The following EFCAB6 variants were observed in gnomAD, a reference collection of about 807,000 sequenced individuals.
EFCAB6 encodes the protein EF-hand calcium-binding domain-containing protein 6.
Under a neutral mutation model 169.8 loss-of-function variants are expected in EFCAB6, and 156 were observed. The observed-to-expected ratio is 0.92, with a 90% CI of 0.81 to 1.05. The LOEUF is 1.05. Among genes scored for constraint, EFCAB6 ranks in the 50% least tolerant of loss-of-function variants. The pLI is 0.00. For missense variants in EFCAB6, 1,800 were observed against 1,829.1 expected (o/e 0.98, Z 0.29); for synonymous variants, 698 against 676.4 (o/e 1.03, Z -0.50).
chr22:43,769,874 G>A (rs1047621994), intron 4 of EFCAB6, among the ~76,000 whole-genome samples: 10 of 143,182 alleles, frequency 7.0e-5, no homozygotes, highest in African/African-American at 2.3e-4. Context: ...TTTTTTTTTA[G>A]ATGGAGTTTT....
chr22:43,530,944 C>T lies in EFCAB6; in HGVS notation c.4254G>A (p.Thr1418=). ...GCAGCAGAGCAGAGTAAAAAGATGGCGTCTCCGCGCCGGCTTCTTTCTAGA... is the reference window on the plus strand; with the variant it reads ...GCAGCAGAGCAGAGTAAAAAGATGGTGTCTCCGCGCCGGCTTCTTTCTAGA... ...AHKMKEAGAE[T]PSFYSALLRI... The change falls in exon 31 of 32, where the codon ACG becomes ACA. Residue 1418 remains threonine (T), a synonymous_variant. Transcript: ENST00000262726. 2 of 1,614,166 alleles carry T rather than the reference C, an allele frequency of 1.2e-6. No homozygotes were observed. The highest frequency in any genetic ancestry group is 1.1e-5 in the South Asian group (1 of 91,086).
At chr22:43,669,102 C>A in intron 15 of EFCAB6, 57 bp from the exon 16 acceptor site, 2 of 1,440,738 alleles carry the variant, frequency 1.4e-6, no homozygotes, top group South Asian at 1.7e-5. Context: ...ACGGAAAAGA[C>A]TGACCCTGCC....
chr22:43,608,367 G>A (rs1261765401), intron 22 of EFCAB6, 115 bp downstream of exon 22: 4 of 850,452 alleles, frequency 4.7e-6, no homozygotes, highest in East Asian at 2.6e-5. Context: ...GCAACCAAGA[G>A]AAAATACTCC....
At chr22:43,677,970 A>C in intron 13 of EFCAB6, 26 bp downstream of exon 13, 3 of 1,594,678 alleles carry the variant, frequency 1.9e-6, no homozygotes, top group Non-Finnish European at 2.6e-6. Context: ...AGAGAAAACC[A>C]AACAGGAAGT....
intron 30 of EFCAB6, 43 bp from the exon 31 acceptor site, chr22:43,531,007 A>G: frequency 6.2e-7 from 1 of 1,611,826 alleles, no homozygotes; most frequent in Middle Eastern, 1.9e-4. Flanking sequence ...GCTTTTGAAC[A>G]CGAGGGTTGG....
chr22:43,784,598 T>TCC (rs1569487624), intron 2 of EFCAB6, among the ~76,000 whole-genome samples: 1 of 64,874 alleles, frequency 1.5e-5, no homozygotes, highest in East Asian at 6.1e-4. Flanking sequence ...TATGTATATA[T>TCC]ACACATATAT....
At chr22:43,731,171 G>C (rs1171268744) in intron 8 of EFCAB6, among the ~76,000 whole-genome samples, 1 of 152,174 alleles carries the variant, frequency 6.6e-6, no homozygotes, top group Non-Finnish European at 1.5e-5. Context: ...GCGTCGTATG[G>C]AGGAGGCTGG....
At chr22:43,646,031 G>C (rs1019134353) in intron 17 of EFCAB6, among the ~76,000 whole-genome samples, 7 of 152,120 alleles carry the variant, frequency 4.6e-5, no homozygotes, top group Non-Finnish European at 1.0e-4. Flanking sequence ...CGTGTTCTGC[G>C]GGCAGTGAAT....
chr22:43,569,316 C>T (rs920922434), intron 26 of EFCAB6, among the ~76,000 whole-genome samples: 1 of 152,248 alleles, frequency 6.6e-6, no homozygotes, highest in Admixed American at 6.5e-5. Context: ...TCCTTGCCAA[C>T]TTTCCATGAT....
intron 3 of EFCAB6, among the ~76,000 whole-genome samples, chr22:43,781,463 C>G (rs2061821403): frequency 6.6e-6 from 1 of 152,176 alleles, no homozygotes; most frequent in Non-Finnish European, 1.5e-5. Context: ...AGCTGCGACT[C>G]TAGGCATGTA....
At chr22:43,776,304 G>GT in intron 3 of EFCAB6, among the ~76,000 whole-genome samples, 1 of 152,314 alleles carries the variant, frequency 6.6e-6, no homozygotes. Flanking sequence ...GAAAAATGTC[G>GT]TATGTCAACA....
intron 23 of EFCAB6, 132 bp downstream of exon 23, chr22:43,599,937 T>G (rs1021616240): frequency 6.7e-6 from 7 of 1,037,366 alleles, no homozygotes; most frequent in Non-Finnish European, 9.8e-6. Flanking sequence ...AATCGACAAC[T>G]GTGAACAAGC....
intron 27 of EFCAB6, chr22:43,540,586 G>T (rs752276374): frequency 9.5e-6 from 14 of 1,471,584 alleles, no homozygotes; most frequent in Middle Eastern, 1.8e-4. Flanking sequence ...GCTTCTGCAG[G>T]ACATTTTTTA....
rs374021756 is a variant in EFCAB6 at position 43,600,292 on chromosome 22, C to A, written c.2682-29G>T. ...AAAACAAAAACAAAAACAGAAAGCA[C>A]TTCTCAGTAGCCAGTAAGGTGTGCT... On this transcript the variant is annotated intron_variant, in intron 22 of 31. Coordinates refer to ENST00000262726, the MANE Select transcript of EFCAB6 (RefSeq NM_022785.4). The A allele has an allele frequency of 7.5e-6, 12 of 1,609,410 alleles. No individual in the cohort carries two copies. The African/African-American group carries it at 1.6e-4, about 22-fold the overall frequency.
At chr22:43,636,269 G>GT (rs1010585243) in intron 17 of EFCAB6, among the ~76,000 whole-genome samples, 3 of 152,184 alleles carry the variant, frequency 2.0e-5, no homozygotes, top group Non-Finnish European at 4.4e-5. Context: ...AGAAGCCAGA[G>GT]TAAGTTCCAG....
At chr22:43,715,383 C>T (rs2059297691) in intron 9 of EFCAB6, among the ~76,000 whole-genome samples, 1 of 152,178 alleles carries the variant, frequency 6.6e-6, no homozygotes, top group African/African-American at 2.4e-5. Flanking sequence ...CAGTGCGCTG[C>T]TCATGGGGTT....
intron 10 of EFCAB6, among the ~76,000 whole-genome samples, chr22:43,709,034 T>C (rs189778155): frequency 6.6e-6 from 1 of 152,278 alleles, no homozygotes; most frequent in African/African-American, 2.4e-5. Context: ...ATATTCTTCA[T>C]AGATATCATC....
chr22:43,780,746 G>A (rs2061795833), intron 3 of EFCAB6, among the ~76,000 whole-genome samples: 1 of 152,120 alleles, frequency 6.6e-6, no homozygotes, highest in Non-Finnish European at 1.5e-5. Flanking sequence ...TAGACACACG[G>A]TTGTTGGAAA....
intron 17 of EFCAB6, among the ~76,000 whole-genome samples, chr22:43,637,320 C>T (rs1444653616): frequency 6.6e-6 from 1 of 152,268 alleles, no homozygotes; most frequent in Non-Finnish European, 1.5e-5. Context: ...GGGCACTCCA[C>T]ACCTTGTGGC....
Sources: gnomAD v4.1 joint callset for allele counts (sites outside exome capture counted in the v4.1 genomes callset) on GRCh38, gnomAD v4.1.1 for gene constraint, MANE v1.5 for transcripts, NCBI Gene and HGNC (gene_info 2026-07-23, HGNC 2026-07-21) for gene names.